The following HNRNPUL1 variants were observed in gnomAD, a reference collection of about 807,000 sequenced individuals.
HNRNPUL1 encodes the protein heterogeneous nuclear ribonucleoprotein U like 1, also known as heterogeneous nuclear ribonucleoprotein U-like protein 1.
Under a neutral mutation model 108.5 loss-of-function variants are expected in HNRNPUL1, and 14 were observed. That is an observed-to-expected ratio of 0.13 (90% CI 0.09 to 0.20). HNRNPUL1 has a LOEUF of 0.20. Among genes scored for constraint, HNRNPUL1 ranks in the 10% least tolerant of loss-of-function variants. The pLI is 1.00. For synonymous variants in HNRNPUL1, 422 were observed against 445.2 expected (o/e 0.95, Z 0.66); for missense variants, 804 against 1,168.3 (o/e 0.69, Z 4.55).
At chr19:41,265,857 G>A (rs950450439) in intron 1 of HNRNPUL1, among the ~76,000 whole-genome samples, 1 of 152,018 alleles carries the variant, frequency 6.6e-6, no homozygotes, top group South Asian at 2.1e-4. Context: ...ATATGGGGAG[G>A]GGGGAGGCCG....
chr19:41,273,623 T>C (rs2035373071), intron 3 of HNRNPUL1, among the ~76,000 whole-genome samples: 1 of 152,190 alleles, frequency 6.6e-6, no homozygotes, highest in Non-Finnish European at 1.5e-5. Flanking sequence ...CCTTTTGGGA[T>C]ACCACAGCCT....
intron 1 of HNRNPUL1, chr19:41,265,387 C>A: frequency 1.3e-6 from 2 of 1,510,794 alleles, no homozygotes; most frequent in South Asian, 1.3e-5. Context: ...GTGTCTGTGG[C>A]TGGGGAGGGT....
At chr19:41,303,051 C>G in intron 12 of HNRNPUL1, 102 bp downstream of exon 12, 1 of 1,304,836 alleles carries the variant, frequency 7.7e-7, no homozygotes, top group Non-Finnish European at 1.0e-6. Flanking sequence ...TGAGCTCCAG[C>G]TGTGAGTTAT....
At chr19:41,291,292 G>A (rs1252749156) in intron 7 of HNRNPUL1, among the ~76,000 whole-genome samples, 1 of 152,114 alleles carries the variant, frequency 6.6e-6, no homozygotes, top group African/African-American at 2.4e-5. Context: ...GAGTGTCCTT[G>A]TCTCATTCCC....
At chr19:41,295,260 CAT>C (rs565028197) in intron 10 of HNRNPUL1, among the ~76,000 whole-genome samples, 67 of 152,316 alleles carry the variant, frequency 4.4e-4, no homozygotes, top group African/African-American at 1.5e-3. Context: ...ATACCTAAGT[CAT>C]ATTTTCTACC....
intron 7 of HNRNPUL1, 129 bp downstream of exon 7, chr19:41,281,404 G>A (rs2035891565): frequency 1.6e-6 from 1 of 634,186 alleles, no homozygotes; most frequent in South Asian, 1.8e-5. Context: ...GTCTCTGCTT[G>A]ACAGACTGGA....
rs758768717 is a variant in HNRNPUL1, at chr19:41,294,711, C to G, written c.1518+25C>G. On this transcript the variant is annotated intron_variant, in intron 10 of 14. Transcript: ENST00000392006. The surrounding 1 kb of genome is among the most constrained non-coding windows in gnomAD (Gnocchi z 4.3). The stretch of plus-strand genomic sequence containing the variant: ...GGTACTTAATGATGACCATTGTGTC[C>G]TCAGGAGAAGGGAGGGGACCCCTTG... 18 of 1,613,354 alleles carry G rather than the reference C, an allele frequency of 1.1e-5. No individual in the cohort carries two copies. Among genetic ancestry groups the G allele is most frequent in the Admixed American group, 1.7e-5 (1 of 59,998 alleles).
chr19:41,302,290 C>T (rs1394987951), intron 11 of HNRNPUL1: 1 of 306,948 alleles, frequency 3.3e-6, no homozygotes, highest in Non-Finnish European at 6.3e-6. Context: ...GCGATCTTGG[C>T]TCACCGCAAC....
chr19:41,278,980 C>A, intron 5 of HNRNPUL1, 97 bp from the exon 6 acceptor site: 1 of 851,110 alleles, frequency 1.2e-6, no homozygotes, highest in Admixed American at 2.0e-5. Flanking sequence ...AAAGCCATTG[C>A]TATTTTTTAA....
At chr19:41,274,708 CA>C (rs1270799047) in intron 4 of HNRNPUL1, among the ~76,000 whole-genome samples, 6 of 152,168 alleles carry the variant, frequency 3.9e-5, no homozygotes, top group Admixed American at 1.3e-4. Flanking sequence ...CCCAGAAGCC[CA>C]ATCAGGTCTG....
At chr19:41,276,338 C>T (rs200941091) in intron 5 of HNRNPUL1, 40 bp downstream of exon 5, 27 of 1,565,188 alleles carry the variant, frequency 1.7e-5, no homozygotes, top group Admixed American at 1.5e-4. Context: ...CAGAGAAGTC[C>T]ATCCATTGTA....
intron 3 of HNRNPUL1, 76 bp downstream of exon 3, chr19:41,272,311 T>G (rs2035289816): frequency 1.4e-5 from 20 of 1,451,252 alleles, no homozygotes; most frequent in Non-Finnish European, 1.8e-5. Context: ...CTGGGGACAT[T>G]TGCACTAACC....
chr19:41,276,302 A>C lies in HNRNPUL1; in HGVS notation c.786+4A>C. On this transcript the variant is annotated splice_donor_region_variant and intron_variant, in intron 5 of 14. Coordinates refer to ENST00000392006, the MANE Select transcript of HNRNPUL1 (RefSeq NM_007040.6). ...CCGTGTATGCTTCGAGATGAAGGTG[A>C]GTAGGAGCAAGAGAAGGGGAAGGGA... 1 of 1,599,372 alleles carries C rather than the reference A, an allele frequency of 6.3e-7. No individual in the cohort carries two copies. The highest frequency in any genetic ancestry group is 2.2e-5 in the East Asian group (1 of 44,468).
At chr19:41,264,295 G>T, upstream of HNRNPUL1, 1 of 418,060 alleles carries the variant, frequency 2.4e-6, no homozygotes, top group Non-Finnish European at 4.1e-6. Flanking sequence ...CGCGCCCGTT[G>T]CCCCACGCAC....
At chr19:41,295,701 T>C (rs1206257297) in intron 10 of HNRNPUL1, among the ~76,000 whole-genome samples, 1 of 152,226 alleles carries the variant, frequency 6.6e-6, no homozygotes, top group Non-Finnish European at 1.5e-5. Flanking sequence ...GTGCCTTCCA[T>C]ACGTGTAGGC....
At chr19:41,269,048 C>T (rs888240934) in intron 2 of HNRNPUL1, among the ~76,000 whole-genome samples, 1 of 151,850 alleles carries the variant, frequency 6.6e-6, no homozygotes, top group Non-Finnish European at 1.5e-5. Flanking sequence ...GAAAAGGGTT[C>T]CTTAGCCAAA....
chr19:41,298,172 A>G (rs758794590), intron 10 of HNRNPUL1, among the ~76,000 whole-genome samples: 1 of 152,140 alleles, frequency 6.6e-6, no homozygotes, highest in Non-Finnish European at 1.5e-5. Flanking sequence ...GGGCTGTCAC[A>G]TCATCATTCG....
rs1223339298 is a variant in HNRNPUL1 at position 41,264,427 on chromosome 19, C to T, written c.-77C>T. 3.3e-6 allele frequency: 4 copies of T among 1,226,452 alleles called. No homozygotes were observed. The highest frequency in any genetic ancestry group is 4.1e-6 in the Non-Finnish European group (4 of 964,142). The allele number at this position is 1,226,452 out of a possible 1,614,324, so 76.0% of individuals were successfully genotyped here. A position where few individuals can be genotyped will look rare whatever the true frequency, so the allele number is the denominator to read the frequency against. On this transcript the variant is annotated 5_prime_UTR_variant, in exon 1 of 15. Coordinates refer to ENST00000392006, the MANE Select transcript of HNRNPUL1 (RefSeq NM_007040.6). ...CCCCCCCCCTTTCCCCCTTCGCCTCCTGACAGGAAAGGTTTAAGGGGGACA... is the reference window on the plus strand; with the variant it reads ...CCCCCCCCCTTTCCCCCTTCGCCTCTTGACAGGAAAGGTTTAAGGGGGACA...
Position 41,294,741 on chromosome 19 carries a change from C to T in HNRNPUL1, c.1518+55C>T. ...GAGAAGGGAGGGGACCCCTTGCATG[C>T]CTGAGAATCTCCCTCTGGTCCCTTT... is the stretch of plus-strand genomic sequence containing the variant. On this transcript the variant is annotated intron_variant, in intron 10 of 14. Coordinates refer to ENST00000392006, the MANE Select transcript of HNRNPUL1 (RefSeq NM_007040.6). This position sits in a 1 kb window ranked among gnomAD's most constrained non-coding sequence, Gnocchi z 4.3. 8 of 1,596,874 alleles carry T rather than the reference C, an allele frequency of 5.0e-6. No homozygotes were observed. Among genetic ancestry groups the T allele is most frequent in the Non-Finnish European group, 6.9e-6 (8 of 1,165,556 alleles).
Sources: gnomAD v4.1 joint callset for allele counts (sites outside exome capture counted in the v4.1 genomes callset) on GRCh38, gnomAD v4.1.1 for gene constraint, Gnocchi (gnomAD v3.1) non-coding constraint, MANE v1.5 for transcripts, NCBI Gene and HGNC (gene_info 2026-07-23, HGNC 2026-07-21) for gene names.